The following GNA14 variants were observed in gnomAD, a reference collection of about 807,000 sequenced individuals.
The protein encoded by GNA14 is guanine nucleotide-binding protein subunit alpha-14.
A neutral mutation model predicts 42.0 loss-of-function variants in GNA14; 50 were observed. That is an observed-to-expected ratio of 1.19 (90% confidence interval 0.95 to 1.51). GNA14 has a LOEUF of 1.51. GNA14 is among the 40% of genes most tolerant of loss of function. GNA14 has a pLI of 0.00. For missense variants in GNA14, 473 were observed against 446.2 expected, an observed-to-expected ratio of 1.06 and a Z score of -0.54; for synonymous variants, 173 against 163.1, an observed-to-expected ratio of 1.06 and a Z score of -0.46.
chr9:77,533,588 A>C (rs11145467), intron 1 of GNA14, among the ~76,000 whole-genome samples: 11,929 of 152,210 alleles, frequency 0.078, 1,353 homozygotes, highest in African/African-American at 0.25. Flanking sequence ...CCAGTAATAC[A>C]TTCACTAGAA....
rs114221888 is a variant in GNA14, at chr9:77,615,592, C to T, written c.124+32078G>A. On this transcript the variant is annotated intron_variant, in intron 1 of 6. Transcript: ENST00000341700. ...ACCAAGCAGGGTCCAAACTCACACT[C>T]CTCCCCACCCAAGACCAAAAGCTTT... Among the ~76,000 whole-genome samples, 641 of 152,110 alleles carry T rather than the reference C, an allele frequency of 4.2e-3. 2 individuals carry two copies. Among genetic ancestry groups the T allele is most frequent in the African/African-American group, 0.014 (584 of 41,512 alleles).
At chr9:77,619,428 T>C (rs1823887754) in intron 1 of GNA14, among the ~76,000 whole-genome samples, 1 of 152,120 alleles carries the variant, frequency 6.6e-6, no homozygotes, top group South Asian at 2.1e-4. Context: ...CTCAAACTCC[T>C]GATCTCAAGT....
chr9:77,538,687 C>G (rs1837626252), intron 1 of GNA14, among the ~76,000 whole-genome samples: 1 of 151,984 alleles, frequency 6.6e-6, no homozygotes, highest in Non-Finnish European at 1.5e-5. Flanking sequence ...TTCTTTATAG[C>G]TATTGTAAAT....
chr9:77,584,697 G>A (rs1179864881), intron 1 of GNA14, among the ~76,000 whole-genome samples: 2 of 152,182 alleles, frequency 1.3e-5, no homozygotes, highest in African/African-American at 4.8e-5. Context: ...AGAGTAAAGT[G>A]AAAGCAAGTT....
intron 2 of GNA14, among the ~76,000 whole-genome samples, chr9:77,485,936 C>G (rs1214989048): frequency 6.6e-6 from 1 of 152,094 alleles, no homozygotes; most frequent in Non-Finnish European, 1.5e-5. Flanking sequence ...TTCTTAAGGG[C>G]CCTAGGGTTT....
chr9:77,456,800 T>C lies in GNA14; in HGVS notation c.310-22278A>G, dbSNP rs57971057. ...AATATAATATAGTTATTGGAAAATA[T>C]TATAGTAAAAATAAATACAATATTT... On this transcript the variant is annotated intron_variant, in intron 2 of 6. Coordinates refer to ENST00000341700, the MANE Select transcript of GNA14 (RefSeq NM_004297.4). 6.1e-3 allele frequency among the ~76,000 whole-genome samples: 932 copies of C among 152,200 alleles called. 7 individuals carry two copies. Among genetic ancestry groups the C allele is most frequent in the African/African-American group, 0.02 (835 of 41,540 alleles).
At chr9:77,561,856 A>G (rs531666706) in intron 1 of GNA14, among the ~76,000 whole-genome samples, 2 of 152,328 alleles carry the variant, frequency 1.3e-5, no homozygotes, top group South Asian at 4.1e-4. Context: ...CTACATCAAC[A>G]CACAAAATCT....
chr9:77,634,074 GT>G (rs908261142), intron 1 of GNA14, among the ~76,000 whole-genome samples: 2 of 152,134 alleles, frequency 1.3e-5, no homozygotes, highest in African/African-American at 2.4e-5. Context: ...CTCAACTGTA[GT>G]TTTGGTTACA....
intron 1 of GNA14, among the ~76,000 whole-genome samples, chr9:77,562,675 T>C (rs1162151307): frequency 6.6e-6 from 1 of 152,216 alleles, no homozygotes; most frequent in African/African-American, 2.4e-5. Context: ...AAAAAATTAA[T>C]ACTTGTTTCA....
chr9:77,624,240 G>A (rs1425382817), intron 1 of GNA14, among the ~76,000 whole-genome samples: 1 of 152,194 alleles, frequency 6.6e-6, no homozygotes, highest in African/African-American at 2.4e-5. Flanking sequence ...TCTGGACAGG[G>A]CATCTCTGAA....
chr9:77,569,341 T>C (rs756002398), intron 1 of GNA14, among the ~76,000 whole-genome samples: 2 of 152,170 alleles, frequency 1.3e-5, no homozygotes, highest in Non-Finnish European at 2.9e-5. Flanking sequence ...AGAGAGATCA[T>C]TGGCATTTGG....
chr9:77,501,934 C>G (rs1836981559), intron 2 of GNA14, among the ~76,000 whole-genome samples: 1 of 151,940 alleles, frequency 6.6e-6, no homozygotes, highest in African/African-American at 2.4e-5. Context: ...TGGTCGATCT[C>G]TTGACTTCGT....
intron 1 of GNA14, among the ~76,000 whole-genome samples, chr9:77,585,671 A>T (rs958259775): frequency 6.6e-6 from 1 of 152,180 alleles, no homozygotes; most frequent in African/African-American, 2.4e-5. Context: ...TTCCTCACCT[A>T]AAGTGTGGTA....
intron 2 of GNA14, among the ~76,000 whole-genome samples, chr9:77,511,233 A>G (rs1837163050): frequency 6.6e-6 from 1 of 152,088 alleles, no homozygotes. Context: ...CATCTGGTCA[A>G]GTTCTTCTGG....
chr9:77,429,297 T>C (rs1835506833), intron 4 of GNA14, among the ~76,000 whole-genome samples: 1 of 152,184 alleles, frequency 6.6e-6, no homozygotes, highest in African/African-American at 2.4e-5. Flanking sequence ...GCCTGCCGGT[T>C]AGGAAGCTAA....
chr9:77,519,539 A>G (rs1049174465), intron 2 of GNA14, among the ~76,000 whole-genome samples: 5 of 152,232 alleles, frequency 3.3e-5, no homozygotes, highest in African/African-American at 1.2e-4. Context: ...TTTTTTAAAA[A>G]AAGCTTTTAA....
chr9:77,615,866 G>GTT (rs1368541610), intron 1 of GNA14, among the ~76,000 whole-genome samples: 1 of 138,802 alleles, frequency 7.2e-6, no homozygotes, highest in African/African-American at 3.1e-5. Flanking sequence ...TGTTTTTTGG[G>GTT]GTTTTTTTTT....
chr9:77,438,282 T>C (rs557260582), intron 2 of GNA14, among the ~76,000 whole-genome samples: 1 of 152,188 alleles, frequency 6.6e-6, no homozygotes, highest in South Asian at 2.1e-4. Context: ...TTTTTTTTTT[T>C]TAAAGACATA....
Position 77,434,363 on chromosome 9 carries a change from C to T in GNA14, c.464+5G>A, listed in dbSNP as rs1835607768. The T allele has an allele frequency of 6.2e-7, 1 of 1,612,558 alleles. No homozygotes were observed. The highest frequency in any genetic ancestry group is 1.7e-5 in the Admixed American group (1 of 59,870). On this transcript the variant is annotated splice_donor_5th_base_variant and intron_variant, in intron 3 of 6. Coordinates refer to ENST00000341700, the MANE Select transcript of GNA14 (RefSeq NM_004297.4). The stretch of plus-strand genomic sequence containing the variant: ...GCGGGCGGCCAGGGTGGGCTCTGTA[C>T]TCACTATTTGGCAGAGTCCGACAGC...
Sources: gnomAD v4.1 joint callset for allele counts (sites outside exome capture counted in the v4.1 genomes callset) on GRCh38, gnomAD v4.1.1 for gene constraint, MANE v1.5 for transcripts, NCBI Gene and HGNC (gene_info 2026-07-23, HGNC 2026-07-21) for gene names.